The following MEIS1 variants were observed in gnomAD, a reference collection of about 807,000 sequenced individuals.
MEIS1 encodes the protein homeobox protein Meis1.
In MEIS1, 5 loss-of-function variants were observed where a neutral mutation model predicts 50.8. The observed-to-expected ratio is 0.10, with a 90% confidence interval of 0.05 to 0.21. The LOEUF (loss-of-function observed/expected upper bound fraction) is 0.21, where lower values mean the gene tolerates loss of function less well. Ranked by LOEUF, MEIS1 falls within the 10% of genes least tolerant of loss-of-function variation. MEIS1 has a pLI of 1.00. For missense variants in MEIS1, 318 were observed against 517.3 expected, an observed-to-expected ratio of 0.61 and a Z score of 3.74; for synonymous variants, 176 against 179.3, an observed-to-expected ratio of 0.98 and a Z score of 0.15.
rs1246397660 is a variant in MEIS1 at position 66,573,224 on chromosome 2, C to T, written c.*2016C>T. On this transcript the variant is annotated 3_prime_UTR_variant, in exon 13 of 13. Transcript: ENST00000272369. ...CTGGTTATTAACCAATTTTCCAGAACAGCTGTACAAGATTTCTGCATGGCA... is the reference window on the plus strand; with the variant it reads ...CTGGTTATTAACCAATTTTCCAGAATAGCTGTACAAGATTTCTGCATGGCA... 1 of 152,100 alleles carries T rather than the reference C, an allele frequency of 6.6e-6. No individual in the cohort carries two copies. The highest frequency in any genetic ancestry group is 1.9e-4 in the East Asian group (1 of 5,182). 9.4% of individuals were successfully genotyped at this position (152,100 alleles called of 1,614,324 possible). A position where few individuals can be genotyped will look rare whatever the true frequency, so the allele number is the denominator to read the frequency against.
chr2:66,539,677 A>G (rs928573847), intron 8 of MEIS1, among the ~76,000 whole-genome samples: 5 of 152,220 alleles, frequency 3.3e-5, no homozygotes, highest in Non-Finnish European at 7.3e-5. Context: ...AGCGCCTGGC[A>G]CATTCTCACT....
intron 7 of MEIS1, among the ~76,000 whole-genome samples, chr2:66,467,008 C>T (rs1297532728): frequency 6.6e-6 from 1 of 151,832 alleles, no homozygotes; most frequent in Non-Finnish European, 1.5e-5. Flanking sequence ...ATCCCCTAGG[C>T]TTTAGCCCTC....
intron 8 of MEIS1, 105 bp downstream of exon 8, chr2:66,512,399 A>G: frequency 7.8e-7 from 1 of 1,289,080 alleles, no homozygotes; most frequent in Non-Finnish European, 1.0e-6. Flanking sequence ...GAAATATTTA[A>G]TAAATAACTG....
intron 6 of MEIS1, among the ~76,000 whole-genome samples, chr2:66,456,874 A>C (rs1374051259): frequency 6.6e-6 from 1 of 152,204 alleles, no homozygotes; most frequent in Non-Finnish European, 1.5e-5. Flanking sequence ...GCCTCTCTGC[A>C]TTTTATCCAC....
At chr2:66,568,170 C>T (rs977763605) in intron 10 of MEIS1, 2 of 157,070 alleles carry the variant, frequency 1.3e-5, no homozygotes, top group African/African-American at 4.9e-5. Flanking sequence ...AATGGCGATA[C>T]TTCTATGGGA....
In MEIS1 at chr2:66,449,445, A is replaced by G. The variant is rs370044540; in HGVS notation, c.630+6397A>G. On this transcript the variant is annotated intron_variant, in intron 6 of 12. Transcript: ENST00000272369. ...AAAGTTCAAGCAAATGAGTGTGTCCATGTAGTGTAAAAGATAAAAGAACAT... is the reference window on the plus strand; with the variant it reads ...AAAGTTCAAGCAAATGAGTGTGTCCGTGTAGTGTAAAAGATAAAAGAACAT... Among the ~76,000 whole-genome samples the G allele has an allele frequency of 7.2e-5, 11 of 152,238 alleles. No individual in the cohort carries two copies. In the East Asian group the frequency reaches 2.1e-3, roughly 29 times the overall value.
chr2:66,555,540 T>A (rs1300474184), intron 9 of MEIS1, among the ~76,000 whole-genome samples: 4 of 152,168 alleles, frequency 2.6e-5, no homozygotes, highest in African/African-American at 9.7e-5. Flanking sequence ...CTTTAGACAT[T>A]AGTAGTTTCC....
intron 7 of MEIS1, among the ~76,000 whole-genome samples, chr2:66,494,057 G>A (rs1313892189): frequency 6.6e-6 from 1 of 152,216 alleles, no homozygotes; most frequent in African/African-American, 2.4e-5. Flanking sequence ...ATGATGGGCT[G>A]TATAGAAATA....
rs557094378 is a variant in MEIS1 at position 66,542,414 on chromosome 2, T to C, written c.889-5529T>C. On this transcript the variant is annotated intron_variant, in intron 8 of 12. Transcript: ENST00000272369. ...CTGGAGGAAAAAGGATAAAAGAAGT[T>C]CTGAAATTGTTCTTCCAACATATTC... is the stretch of plus-strand genomic sequence containing the variant. Among the ~76,000 whole-genome samples the C allele has an allele frequency of 5.6e-4, 85 of 152,294 alleles. 1 individual carries two copies. Among genetic ancestry groups the C allele is most frequent in the African/African-American group, 1.9e-3 (81 of 41,556 alleles).
At chr2:66,554,747 C>G (rs1487074082) in intron 9 of MEIS1, among the ~76,000 whole-genome samples, 1 of 152,064 alleles carries the variant, frequency 6.6e-6, no homozygotes, top group African/African-American at 2.4e-5. Context: ...AACTCTCATT[C>G]CAGCTTTATC....
chr2:66,528,164 A>T (rs1674302725), intron 8 of MEIS1, among the ~76,000 whole-genome samples: 1 of 152,162 alleles, frequency 6.6e-6, no homozygotes, highest in Admixed American at 6.5e-5. Flanking sequence ...GACACTAGAG[A>T]TGTATATAGA....
intron 7 of MEIS1, among the ~76,000 whole-genome samples, chr2:66,472,765 C>T (rs992229758): frequency 1.3e-5 from 2 of 152,080 alleles, no homozygotes; most frequent in African/African-American, 2.4e-5. Context: ...GGACTTGGCT[C>T]CAGAGCCCAC....
intron 8 of MEIS1, among the ~76,000 whole-genome samples, chr2:66,518,973 A>G (rs1053947984): frequency 2.6e-5 from 4 of 152,306 alleles, no homozygotes; most frequent in East Asian, 1.9e-4. Flanking sequence ...TGAACTGGTA[A>G]CATCCACATC....
chr2:66,438,017 C>G, intron 2 of MEIS1, 54 bp downstream of exon 2: 1 of 1,418,724 alleles, frequency 7.0e-7, no homozygotes, highest in Non-Finnish European at 9.6e-7. Context: ...TTCCCTCTTT[C>G]TCTGTGCCCT....
Position 66,569,036 on chromosome 2 carries a change from T to C in MEIS1, c.1115-14T>C, listed in dbSNP as rs1160190438. On this transcript the variant is annotated splice_polypyrimidine_tract_variant and intron_variant, in intron 11 of 12. Coordinates refer to ENST00000272369, the MANE Select transcript of MEIS1 (RefSeq NM_002398.3). ...ATTTTCTGGCCTCTTCTTGGATTTT[T>C]ATCTCCCTTCTAGGACCTATGAGTG... 6.2e-7 allele frequency: 1 copy of C among 1,612,814 alleles called. No individual in the cohort carries two copies.
intron 8 of MEIS1, among the ~76,000 whole-genome samples, chr2:66,517,873 G>A (rs1430102861): frequency 6.6e-6 from 1 of 152,154 alleles, no homozygotes; most frequent in Non-Finnish European, 1.5e-5. Flanking sequence ...AATGGGATGG[G>A]TGATGAATTT....
At chr2:66,568,854 T>A (rs1395783322) in intron 11 of MEIS1, 98 bp downstream of exon 11, 1 of 1,229,082 alleles carries the variant, frequency 8.1e-7, no homozygotes, top group Non-Finnish European at 1.2e-6. Flanking sequence ...TTCTGTTATC[T>A]CAAGCTGGCT....
intron 4 of MEIS1, 27 bp from the exon 5 acceptor site, chr2:66,441,387 G>A (rs1023478867): frequency 5.8e-6 from 9 of 1,540,242 alleles, no homozygotes; most frequent in Non-Finnish European, 7.9e-6. Flanking sequence ...CAGGAATGGG[G>A]TGCTTATTGT....
intron 6 of MEIS1, among the ~76,000 whole-genome samples, chr2:66,463,730 A>G (rs1055169004): frequency 1.3e-5 from 2 of 152,198 alleles, no homozygotes; most frequent in East Asian, 3.9e-4. Flanking sequence ...AGTGTTATAG[A>G]CCACCACTCT....
Sources: gnomAD v4.1 joint callset for allele counts (sites outside exome capture counted in the v4.1 genomes callset) on GRCh38, gnomAD v4.1.1 for gene constraint, MANE v1.5 for transcripts, NCBI Gene and HGNC (gene_info 2026-07-23, HGNC 2026-07-21) for gene names.